EDEM2: variants seen among roughly 807,000 people sequenced by gnomAD.
The protein encoded by EDEM2 is ER degradation enhancing alpha-mannosidase like protein 2, also known as ER degradation-enhancing alpha-mannosidase-like protein 2.
In EDEM2, 39 loss-of-function variants were observed where a neutral mutation model predicts 64.8. The ratio of observed to expected loss-of-function variants is 0.60; its 90% CI spans 0.47 to 0.79. The LOEUF (loss-of-function observed/expected upper bound fraction) is 0.79. Ranked by LOEUF, EDEM2 falls within the 30% of genes least tolerant of loss-of-function variation. The pLI, the probability that EDEM2 is intolerant of heterozygous loss-of-function variation, is 0.00. For synonymous variants in EDEM2, 296 were observed against 291.5 expected (o/e 1.02, Z -0.16); for missense variants, 609 against 731.3 (o/e 0.83, Z 1.93).
chr20:35,118,474 A>G, intron 10 of EDEM2, 124 bp downstream of exon 10: 1 of 1,412,652 alleles, frequency 7.1e-7, no homozygotes, highest in Non-Finnish European at 9.7e-7. Context: ...TATGAGCATT[A>G]TGTATATCTC....
intron 10 of EDEM2, among the ~76,000 whole-genome samples, chr20:35,116,455 A>G (rs2085310667): frequency 6.6e-6 from 1 of 152,130 alleles, no homozygotes; most frequent in African/African-American, 2.4e-5. Flanking sequence ...TAAGAGCTCC[A>G]GCTGCTGCCT....
chr20:35,118,812 T>A (rs895187068), intron 9 of EDEM2, 93 bp from the exon 10 acceptor site: 77 of 1,545,830 alleles, frequency 5.0e-5, no homozygotes, highest in Non-Finnish European at 6.5e-5. Flanking sequence ...CCCCTCCATA[T>A]CTTGTCCATA....
At chr20:35,128,422 A>C (rs1330014435) in intron 7 of EDEM2, among the ~76,000 whole-genome samples, 1 of 148,898 alleles carries the variant, frequency 6.7e-6, no homozygotes, top group Non-Finnish European at 1.5e-5. Flanking sequence ...AGCTGGGCGT[A>C]GTGGTGGGTG....
intron 4 of EDEM2, 73 bp from the exon 5 acceptor site, chr20:35,138,078 G>A (rs1266318942): frequency 1.3e-5 from 21 of 1,573,366 alleles, no homozygotes; most frequent in Non-Finnish European, 1.7e-5. Flanking sequence ...TTTCCCCTGT[G>A]CGAGTTAAAC....
chr20:35,137,479 G>A (rs1034373521), intron 5 of EDEM2, among the ~76,000 whole-genome samples: 1 of 152,142 alleles, frequency 6.6e-6, no homozygotes, highest in Non-Finnish European at 1.5e-5. Context: ...TTGGCTGGCA[G>A]AGCTGAGTCT....
rs757612058 is a variant in EDEM2, at chr20:35,115,785, C to T, written c.1385G>A (p.Gly462Glu). The change falls in exon 11 of 11, where the codon GGG becomes GAG. Residue 462 changes from glycine (G) to glutamate (E), a missense_variant. Coordinates refer to ENST00000374492, the MANE Select transcript of EDEM2 (RefSeq NM_018217.3). Reference protein sequence around the residue: ...STFDAVITPYGECILGAGGYI... With the variant: ...STFDAVITPYEECILGAGGYI... Reference sequence around the variant, plus strand: ...CCCCCCAGCCCCCAGGATGCACTCCCCATAGGGGGTGATCACCGCGTCGAA... The same window carrying T: ...CCCCCCAGCCCCCAGGATGCACTCCTCATAGGGGGTGATCACCGCGTCGAA... 3 of 1,614,162 alleles carry T rather than the reference C, an allele frequency of 1.9e-6. No individual in the cohort carries two copies. In the Admixed American group the frequency reaches 5.0e-5, roughly 27 times the overall value.
intron 9 of EDEM2, among the ~76,000 whole-genome samples, chr20:35,122,763 T>C (rs1345851171): frequency 6.6e-6 from 1 of 152,198 alleles, no homozygotes; most frequent in Non-Finnish European, 1.5e-5. Flanking sequence ...GTTGATGAAT[T>C]TGCTCTTTAT....
At chr20:35,146,759 C>A (rs767050391) in intron 2 of EDEM2, 66 bp downstream of exon 2, 32 of 1,555,532 alleles carry the variant, frequency 2.1e-5, no homozygotes, top group Non-Finnish European at 2.8e-5. Context: ...CCAGCCCCAG[C>A]TGACCCGCCC....
intron 6 of EDEM2, chr20:35,134,050 T>A (rs1387950283): frequency 6.6e-6 from 3 of 455,034 alleles, no homozygotes; most frequent in Non-Finnish European, 1.3e-5. Flanking sequence ...CTGGATGGCT[T>A]TGGCTCAATT....
intron 2 of EDEM2, among the ~76,000 whole-genome samples, 196 bp from the exon 3 acceptor site, chr20:35,145,214 G>A (rs1186270726): frequency 2.6e-5 from 4 of 152,198 alleles, no homozygotes; most frequent in African/African-American, 9.6e-5. Flanking sequence ...TGGGAGGGTT[G>A]GCTGATGTAG....
At chr20:35,121,785 C>G (rs2085372521) in intron 9 of EDEM2, among the ~76,000 whole-genome samples, 1 of 128,816 alleles carries the variant, frequency 7.8e-6, no homozygotes, top group Admixed American at 8.6e-5. Flanking sequence ...GGATTCCTGA[C>G]AGCGGTGCCT....
At chr20:35,140,367 C>A (rs2146112169) in intron 4 of EDEM2, among the ~76,000 whole-genome samples, 1 of 152,090 alleles carries the variant, frequency 6.6e-6, no homozygotes, top group East Asian at 1.9e-4. Context: ...AACTGTAATC[C>A]CAGCTACTCT....
chr20:35,115,883 G>C lies in EDEM2; in HGVS notation c.1287C>G (p.Phe429Leu). 1.2e-6 allele frequency: 2 copies of C among 1,613,786 alleles called. No homozygotes were observed. The highest frequency in any genetic ancestry group is 1.7e-6 in the Non-Finnish European group (2 of 1,179,954). Residue 429 changes from phenylalanine to leucine, a missense_variant, in exon 11 of 11, where the codon TTC (phenylalanine) becomes TTG (leucine). Phe to Leu is a conservative substitution (Grantham distance 22). Transcript: ENST00000374492. ...AGAGGTATTTCACAGTCTCGGCCAG[G>C]AAGAACGACTCCATGCGGTTGTCCA... Reference protein sequence around the residue: ...HKLDNRMESFFLAETVKYLYL... With the variant: ...HKLDNRMESFLLAETVKYLYL...
intron 4 of EDEM2, among the ~76,000 whole-genome samples, chr20:35,140,984 GT>G: frequency 6.6e-6 from 1 of 152,000 alleles, no homozygotes; most frequent in Middle Eastern, 3.4e-3. Flanking sequence ...GCAGGGCACG[GT>G]GGCAGGCACC....
intron 4 of EDEM2, among the ~76,000 whole-genome samples, chr20:35,140,012 A>G (rs1424214806): frequency 1.3e-5 from 2 of 152,240 alleles, no homozygotes. Flanking sequence ...CCATCAACCT[A>G]GAACCATACA....
rs758744532 is a variant in EDEM2, at chr20:35,131,626, A to C, written c.844+16T>G. Reference sequence around the variant, plus strand: ...GAAAAATGAGGGGAAAAGCTCCCTTACTCTGCCATTTTTACCTAGGAACAT... The same window carrying C: ...GAAAAATGAGGGGAAAAGCTCCCTTCCTCTGCCATTTTTACCTAGGAACAT... On this transcript the variant is annotated intron_variant, in intron 7 of 10. Transcript: ENST00000374492. 5 of 1,610,970 alleles carry C rather than the reference A, an allele frequency of 3.1e-6. No homozygotes were observed. In the East Asian group the frequency reaches 1.1e-4, roughly 36 times the overall value.
chr20:35,131,467 G>C (rs1158520188), intron 7 of EDEM2, among the ~76,000 whole-genome samples, 175 bp downstream of exon 7: 1 of 152,176 alleles, frequency 6.6e-6, no homozygotes, highest in Non-Finnish European at 1.5e-5. Context: ...TCAGGAGGCT[G>C]AGGCATGAGA....
At chr20:35,125,201 CT>C (rs11468187) in intron 8 of EDEM2, among the ~76,000 whole-genome samples, 52,642 of 127,634 alleles carry the variant, frequency 0.41, 9,802 homozygotes, top group East Asian at 0.53. Flanking sequence ...CCGGTGGCCA[CT>C]TTTTTTTTTT....
intron 5 of EDEM2, among the ~76,000 whole-genome samples, chr20:35,135,972 A>C (rs932658959): frequency 1.3e-5 from 2 of 152,152 alleles, no homozygotes; most frequent in Non-Finnish European, 2.9e-5. Flanking sequence ...CAAGACGAGA[A>C]CTGGACAACC....
Sources: gnomAD v4.1 joint callset for allele counts (sites outside exome capture counted in the v4.1 genomes callset) on GRCh38, gnomAD v4.1.1 for gene constraint, MANE v1.5 for transcripts, NCBI Gene and HGNC (gene_info 2026-07-23, HGNC 2026-07-21) for gene names.